SEL1L3: variants seen among roughly 807,000 people sequenced by gnomAD.
SEL1L3 encodes the protein SEL1L family member 3, also known as protein sel-1 homolog 3.
In SEL1L3, 76 loss-of-function variants were observed where a neutral mutation model predicts 142.8. The ratio of observed to expected loss-of-function variants is 0.53; its 90% CI spans 0.44 to 0.64. SEL1L3 has a LOEUF of 0.64. Among genes scored for constraint, SEL1L3 ranks in the 30% least tolerant of loss-of-function variants. The pLI is 0.00. For missense variants in SEL1L3, 1,262 were observed against 1,381.7 expected (o/e 0.91, Z 1.37); for synonymous variants, 504 against 519.6 (o/e 0.97, Z 0.41).
intron 23 of SEL1L3, 49 bp downstream of exon 23, chr4:25,757,485 T>TG: frequency 3.9e-5 from 36 of 924,180 alleles, no homozygotes; most frequent in Non-Finnish European, 5.1e-5. Flanking sequence ...AAAAAATCCC[T>TG]GCTTTTTTTT....
downstream of SEL1L3, among the ~76,000 whole-genome samples, chr4:25,747,026 C>T (rs1290203636): frequency 2.0e-5 from 3 of 152,114 alleles, no homozygotes; most frequent in Admixed American, 1.3e-4. Flanking sequence ...TTGTCAGTTA[C>T]AGGACCAGAA....
Position 25,758,885 on chromosome 4 carries a change from A to G in SEL1L3, c.3083+56T>C, listed in dbSNP as rs754657716. On this transcript the variant is annotated intron_variant, in intron 21 of 23. Coordinates refer to ENST00000399878, the MANE Select transcript of SEL1L3 (RefSeq NM_015187.5). ...TAAAGCTAACTTTAACCAAGAAGCG[A>G]ACATCATCTACTTGGGTTCCCTCAG... The G allele has an allele frequency of 3.2e-5, 49 of 1,538,278 alleles. No homozygotes were observed. In the Middle Eastern group the frequency reaches 1.2e-3, roughly 38 times the overall value.
rs560029710 is a variant in SEL1L3, at chr4:25,829,536, A to G, written c.1157+562T>C. Among the ~76,000 whole-genome samples, 95 of 152,346 alleles carry G rather than the reference A, an allele frequency of 6.2e-4. 1 individual carries two copies. The Middle Eastern group carries it at 0.017, about 27-fold the overall frequency. ...TGGTTCTGACACTATAAAACCCACGATTATACGTGGATGTAGAAGTAAATT... is the reference window on the plus strand; with the variant it reads ...TGGTTCTGACACTATAAAACCCACGGTTATACGTGGATGTAGAAGTAAATT... On this transcript the variant is annotated intron_variant, in intron 6 of 23. Coordinates refer to ENST00000399878, the MANE Select transcript of SEL1L3 (RefSeq NM_015187.5).
chr4:25,756,828 T>C lies in SEL1L3; in HGVS notation c.3259+706A>G, dbSNP rs193175462. On this transcript the variant is annotated intron_variant, in intron 23 of 23. Transcript: ENST00000399878. The stretch of plus-strand genomic sequence containing the variant: ...TTTGTTTATCCTCTTACACATCTGA[T>C]TGCTTGACTGAAATGAAAGGGAAGA... 55 of 1,271,918 alleles carry C rather than the reference T, an allele frequency of 4.3e-5. No homozygotes were observed. In the African/African-American group the frequency reaches 7.8e-4, roughly 18 times the overall value. The allele number at this position is 1,271,918 out of a possible 1,614,324, so 78.8% of individuals were successfully genotyped here. A position where few individuals can be genotyped will look rare whatever the true frequency, so the allele number is the denominator to read the frequency against.
intron 9 of SEL1L3, among the ~76,000 whole-genome samples, chr4:25,814,648 G>A (rs546935275): frequency 1.7e-4 from 25 of 150,378 alleles, no homozygotes; most frequent in African/African-American, 6.3e-4. Flanking sequence ...CTGTGGGCAG[G>A]AAGAACTTGG....
chr4:25,858,644 G>A (rs981347445), intron 1 of SEL1L3, among the ~76,000 whole-genome samples: 52 of 151,956 alleles, frequency 3.4e-4, no homozygotes, highest in African/African-American at 1.1e-3. Flanking sequence ...GGAGTGCAGC[G>A]GCGCGATCTC....
At position 25,819,853 on chromosome 4, in the gene SEL1L3, C is replaced by T; in HGVS notation, c.1378G>A (p.Val460Met). Reference sequence around the variant, plus strand: ...CCGTGCTTTGCTGCAGATGCATACACAGATACTATTTCTTGAACCTCAGCA... The same window carrying T: ...CCGTGCTTTGCTGCAGATGCATACATAGATACTATTTCTTGAACCTCAGCA... ...RCAEVQEIVS[V>M]YASAAKHGGE... is the part of the protein sequence containing the mutation. The change falls in exon 8 of 24, where the codon GTG (valine) becomes ATG (methionine). Residue 460 changes from valine to methionine, a missense_variant. Transcript: ENST00000399878. 7 of 1,613,550 alleles carry T rather than the reference C, an allele frequency of 4.3e-6. No homozygotes were observed. The highest frequency in any genetic ancestry group is 5.9e-6 in the Non-Finnish European group (7 of 1,179,736).
intron 11 of SEL1L3, among the ~76,000 whole-genome samples, chr4:25,797,311 C>T (rs2109208891): frequency 6.6e-6 from 1 of 152,302 alleles, no homozygotes; most frequent in Middle Eastern, 3.4e-3. Flanking sequence ...GCAGGCTCAG[C>T]TGGAGGAACA....
At chr4:25,801,166 G>T (rs575357853) in intron 11 of SEL1L3, among the ~76,000 whole-genome samples, 1 of 152,322 alleles carries the variant, frequency 6.6e-6, no homozygotes, top group African/African-American at 2.4e-5. Context: ...ACTTTGGGAG[G>T]GTGAGGCATG....
Position 25,748,156 on chromosome 4 carries a change from CAA to C in SEL1L3, c.*267_*268del. 2.3e-6 allele frequency: 1 copy of C among 443,292 alleles called. No homozygotes were observed. Among genetic ancestry groups the C allele is most frequent in the South Asian group, 2.8e-5 (1 of 35,972 alleles). The allele number at this position is 443,292 out of a possible 1,614,324, so 27.5% of individuals were successfully genotyped here. A position where few individuals can be genotyped will look rare whatever the true frequency, so the allele number is the denominator to read the frequency against. Reference sequence around the variant, plus strand: ...CTCCTAATACATACAATCACTAGAACAAAAGTCTGTGATGGCCCAGTAAACTT... The same window carrying C: ...CTCCTAATACATACAATCACTAGAACAAGTCTGTGATGGCCCAGTAAACTT... On this transcript the variant is annotated 3_prime_UTR_variant, in exon 24 of 24. Transcript: ENST00000399878.
chr4:25,788,452 T>A lies in SEL1L3; in HGVS notation c.2077-88A>T, dbSNP rs1472708350. ...GAAAGGTGGGAGAGCAAACCTACTT[T>A]ACGATGTTTTAGATTGAGAACCAAG... On this transcript the variant is annotated intron_variant, in intron 12 of 23. Transcript: ENST00000399878. The surrounding 1 kb of genome is among the most constrained non-coding windows in gnomAD (Gnocchi z 5.3). 1.5e-6 allele frequency: 2 copies of A among 1,374,834 alleles called. No homozygotes were observed. Among genetic ancestry groups the A allele is most frequent in the African/African-American group, 1.4e-5 (1 of 69,986 alleles). 85.2% of individuals were successfully genotyped at this position (1,374,834 alleles called of 1,614,324 possible). A position where few individuals can be genotyped will look rare whatever the true frequency, so the allele number is the denominator to read the frequency against.
the SEL1L3 span, among the ~76,000 whole-genome samples, chr4:25,723,553 T>C: frequency 6.6e-6 from 1 of 152,184 alleles, no homozygotes. Context: ...TTCAGTGAAA[T>C]AGAAGCCTAA....
At chr4:25,762,592 G>A (rs1718442855) in intron 20 of SEL1L3, among the ~76,000 whole-genome samples, 2 of 152,186 alleles carry the variant, frequency 1.3e-5, no homozygotes, top group African/African-American at 4.8e-5. Context: ...TAATGTATCA[G>A]CTCAACAGAA....
At chr4:25,818,389 G>A (rs1714537830) in intron 8 of SEL1L3, 111 bp from the exon 9 acceptor site, 10 of 982,520 alleles carry the variant, frequency 1.0e-5, no homozygotes, top group Non-Finnish European at 1.4e-5. Context: ...ATTACTGGAT[G>A]TTGGTTTTGG....
At chr4:25,729,280 T>C in the SEL1L3 span, among the ~76,000 whole-genome samples, 1 of 152,212 alleles carries the variant, frequency 6.6e-6, no homozygotes, top group Non-Finnish European at 1.5e-5. Flanking sequence ...TTTTGACATA[T>C]AGACCTAATT....
intron 21 of SEL1L3, among the ~76,000 whole-genome samples, chr4:25,758,114 C>T (rs559528829): frequency 1.1e-4 from 17 of 152,260 alleles, no homozygotes; most frequent in Admixed American, 9.8e-4. Context: ...AAGAACAGGA[C>T]CCACTAGAAC....
In SEL1L3 at chr4:25,847,449, T is replaced by A. The variant is rs1716600565; in HGVS notation, c.578A>T (p.Asn193Ile). 6.2e-7 allele frequency: 1 copy of A among 1,613,864 alleles called. No homozygotes were observed. The highest frequency in any genetic ancestry group is 8.5e-7 in the Non-Finnish European group (1 of 1,179,886). Residue 193 changes from asparagine to isoleucine, a missense_variant, in exon 2 of 24, where the codon AAC becomes ATC. Asn to Ile is a moderately radical substitution (Grantham distance 149). Around this residue, in one of 3 missense-constraint regions of SEL1L3, gnomAD observed 689 missense variants for 692.8 expected, o/e 0.99. Coordinates refer to ENST00000399878, the MANE Select transcript of SEL1L3 (RefSeq NM_015187.5). ...ATTCTTTGCTACAGCATGGAGCAAG[T>A]TTTCCTCCCATTTAACATTCCAGTC... is the stretch of plus-strand genomic sequence containing the variant. Reference protein sequence around the residue: ...GRDWNVKWEENLLHAVAKNYT... With the variant: ...GRDWNVKWEEILLHAVAKNYT...
intron 1 of SEL1L3, among the ~76,000 whole-genome samples, chr4:25,850,434 T>C (rs1716805690): frequency 6.6e-6 from 1 of 152,206 alleles, no homozygotes; most frequent in Non-Finnish European, 1.5e-5. Flanking sequence ...AAAAGTCAGA[T>C]AACACATCGT....
rs922731133 is a variant in SEL1L3 at position 25,802,384 on chromosome 4, C to G, written c.1855G>C (p.Gly619Arg). The G allele has an allele frequency of 3.1e-6, 5 of 1,613,692 alleles. No homozygotes were observed. The highest frequency in any genetic ancestry group is 1.7e-5 in the Admixed American group (1 of 59,984). The change falls in exon 11 of 24, where the codon GGT becomes CGT. Residue 619 changes from glycine (G) to arginine (R), a missense_variant. Physicochemically the swap from Gly to Arg is moderately radical, Grantham distance 125 (BLOSUM62 -2). Around this residue, in one of 3 missense-constraint regions of SEL1L3, gnomAD observed 435 missense variants for 559.2 expected, o/e 0.78. Coordinates refer to ENST00000399878, the MANE Select transcript of SEL1L3 (RefSeq NM_015187.5). Reference protein sequence around the residue: ...SMNLGYKHYQGIDNYPLDWEL... With the variant: ...SMNLGYKHYQRIDNYPLDWEL... ...CAGTCCAGGGGGTAGTTGTCAATAC[C>G]CTGGTAGTGTTTATACCCAAGATTC...
Sources: gnomAD v4.1 joint callset for allele counts (sites outside exome capture counted in the v4.1 genomes callset) on GRCh38, gnomAD v4.1.1 for gene constraint, gnomAD v4.1.1 regional missense constraint, Gnocchi (gnomAD v3.1) non-coding constraint, MANE v1.5 for transcripts, NCBI Gene and HGNC (gene_info 2026-07-23, HGNC 2026-07-21) for gene names.